MBNL1: variants seen among roughly 807,000 people sequenced by gnomAD.
MBNL1 encodes muscleblind like splicing regulator 1, also known as muscleblind-like protein 1.
A neutral mutation model predicts 42.2 loss-of-function variants in MBNL1; 8 were observed. That is an observed-to-expected ratio of 0.19 (90% CI 0.11 to 0.34). The LOEUF (loss-of-function observed/expected upper bound fraction) is 0.34. Among genes scored for constraint, MBNL1 ranks in the 10% least tolerant of loss-of-function variants. The probability of loss-of-function intolerance (pLI) is 1.00; values close to 1 mark genes in which losing one functional copy is unlikely to be tolerated. For synonymous variants in MBNL1, 169 were observed against 173.9 expected (o/e 0.97, Z 0.22); for missense variants, 309 against 495.3 (o/e 0.62, Z 3.57).
intron 2 of MBNL1, among the ~76,000 whole-genome samples, chr3:152,357,212 G>C (rs141701262): frequency 3.8e-3 from 581 of 152,270 alleles, no homozygotes; most frequent in African/African-American, 0.013. Context: ...TGAATTATTA[G>C]CTACTATTCT....
At chr3:152,457,893 A>T in intron 8 of MBNL1, 2 of 468,096 alleles carry the variant, frequency 4.3e-6, no homozygotes, top group South Asian at 3.2e-5. Flanking sequence ...TGACCATTTC[A>T]TGCATAATCT....
At chr3:152,455,648 C>CTAAGT (rs1319783843) in intron 7 of MBNL1, 71 bp downstream of exon 7, 2 of 1,313,400 alleles carry the variant, frequency 1.5e-6, no homozygotes, top group African/African-American at 2.9e-5. Context: ...AAATCCACTG[C>CTAAGT]TAAGTTTAAC....
At chr3:152,310,553 C>T (rs182091685) in intron 2 of MBNL1, among the ~76,000 whole-genome samples, 24 of 152,300 alleles carry the variant, frequency 1.6e-4, no homozygotes, top group Admixed American at 1.1e-3. Context: ...GTTGTACATA[C>T]GTGGGCAAGT....
intron 2 of MBNL1, among the ~76,000 whole-genome samples, chr3:152,315,892 C>T (rs1358820852): frequency 6.6e-6 from 1 of 150,964 alleles, no homozygotes; most frequent in Non-Finnish European, 1.5e-5. Context: ...TCTCTCACTC[C>T]TCTCTCTCTC....
chr3:152,422,855 A>G (rs192084204), intron 3 of MBNL1, among the ~76,000 whole-genome samples: 1 of 152,218 alleles, frequency 6.6e-6, no homozygotes, highest in East Asian at 1.9e-4. Flanking sequence ...CTACTAGGTA[A>G]ATAATGAAAT....
chr3:152,311,958 A>G (rs1031872811), intron 2 of MBNL1, among the ~76,000 whole-genome samples: 1 of 152,030 alleles, frequency 6.6e-6, no homozygotes, highest in Non-Finnish European at 1.5e-5. Flanking sequence ...TGGGAGGCCG[A>G]GGCGGGCGGA....
rs370239389 is a variant in MBNL1, at chr3:152,406,340, A to C, written c.175-8601A>C. 7.9e-5 allele frequency among the ~76,000 whole-genome samples: 12 copies of C among 152,300 alleles called. No homozygotes were observed. In the East Asian group the frequency reaches 1.2e-3, roughly 15 times the overall value. On this transcript the variant is annotated intron_variant, in intron 2 of 9. Transcript: ENST00000324210. ...CTAAATAGAAGAGCCTTATAGGCCC[A>C]CTCTGAGGAGATTAAGATTTCTTCA...
chr3:152,296,414 A>G (rs184415203), intron 1 of MBNL1, among the ~76,000 whole-genome samples: 1 of 152,354 alleles, frequency 6.6e-6, no homozygotes, highest in East Asian at 1.9e-4. Context: ...AGAAAGATAC[A>G]GAAAGATAGG....
intron 2 of MBNL1, among the ~76,000 whole-genome samples, chr3:152,343,769 A>T (rs903597597): frequency 1.8e-4 from 27 of 152,152 alleles, no homozygotes; most frequent in African/African-American, 6.5e-4. Flanking sequence ...CAAATTGTTT[A>T]AAAAATGTTG....
intron 2 of MBNL1, among the ~76,000 whole-genome samples, chr3:152,341,240 G>A (rs2093134228): frequency 6.6e-6 from 1 of 152,168 alleles, no homozygotes; most frequent in Admixed American, 6.5e-5. Context: ...TCTCAAGCTA[G>A]TGGTTAGCAT....
At chr3:152,432,466 A>G (rs1479557714) in intron 3 of MBNL1, among the ~76,000 whole-genome samples, 1 of 152,182 alleles carries the variant, frequency 6.6e-6, no homozygotes, top group Non-Finnish European at 1.5e-5. Flanking sequence ...ATAGACCCTC[A>G]GCTACAAAAT....
chr3:152,447,527 A>G (rs1712417024), intron 5 of MBNL1, 93 bp from the exon 6 acceptor site: 5 of 955,304 alleles, frequency 5.2e-6, no homozygotes, highest in East Asian at 2.6e-5. Context: ...TTGCTTGCTC[A>G]TGCTTCCTAA....
intron 1 of MBNL1, among the ~76,000 whole-genome samples, chr3:152,297,970 A>G (rs1045849789): frequency 6.6e-6 from 1 of 152,170 alleles, no homozygotes; most frequent in African/African-American, 2.4e-5. Flanking sequence ...TTAAATCTCT[A>G]TCAAAAGTTG....
chr3:152,293,668 TA>T (rs759618676), intron 1 of MBNL1, among the ~76,000 whole-genome samples: 24 of 152,062 alleles, frequency 1.6e-4, no homozygotes, highest in Non-Finnish European at 2.8e-4. Context: ...AAAAATTACT[TA>T]GTTAACTTCC....
At chr3:152,330,227 G>T (rs2083396502) in intron 2 of MBNL1, among the ~76,000 whole-genome samples, 1 of 152,128 alleles carries the variant, frequency 6.6e-6, no homozygotes, top group Non-Finnish European at 1.5e-5. Context: ...CGATCCTTCT[G>T]CCTTACTTTC....
chr3:152,342,793 G>C (rs569651538), intron 2 of MBNL1, among the ~76,000 whole-genome samples: 1 of 152,214 alleles, frequency 6.6e-6, no homozygotes, highest in African/African-American at 2.4e-5. Flanking sequence ...TAACCCCTCT[G>C]AGGTTCGTTA....
At chr3:152,267,908 C>T (rs1484013997), upstream of MBNL1, 2 of 152,186 alleles carry the variant, frequency 1.3e-5, no homozygotes, top group Non-Finnish European at 2.9e-5. Flanking sequence ...ATGGGACAAA[C>T]GTTTTTCACT....
chr3:152,447,100 T>C (rs946479284), intron 5 of MBNL1, among the ~76,000 whole-genome samples: 3 of 152,346 alleles, frequency 2.0e-5, no homozygotes, highest in African/African-American at 7.2e-5. Flanking sequence ...GGTAGAATTA[T>C]TTACATTTTA....
intron 2 of MBNL1, among the ~76,000 whole-genome samples, chr3:152,307,281 G>A (rs547942756): frequency 3.3e-5 from 5 of 152,176 alleles, no homozygotes; most frequent in Admixed American, 1.3e-4. Context: ...GAGTCACCGC[G>A]CCCAGCCTAC....
Sources: gnomAD v4.1 joint callset for allele counts (sites outside exome capture counted in the v4.1 genomes callset) on GRCh38, gnomAD v4.1.1 for gene constraint, MANE v1.5 for transcripts, NCBI Gene and HGNC (gene_info 2026-07-23, HGNC 2026-07-21) for gene names.